Variants in MCM3 observed in about 807,000 individuals in gnomAD.
The protein encoded by MCM3 is minichromosome maintenance complex component 3.
In MCM3, 59 loss-of-function variants were observed where a neutral mutation model predicts 91.3. The observed-to-expected ratio is 0.65, with a 90% confidence interval of 0.52 to 0.80. The LOEUF (loss-of-function observed/expected upper bound fraction) is 0.80. MCM3 is among the 30% of genes least tolerant of loss of function. MCM3 has a pLI of 0.00. For synonymous variants in MCM3, 383 were observed against 379.6 expected (o/e 1.01, Z -0.10); for missense variants, 919 against 1,035.4 (o/e 0.89, Z 1.54).
chr6:52,283,490 G>A, intron 1 of MCM3, 84 bp from the exon 2 acceptor site: 1 of 927,132 alleles, frequency 1.1e-6, no homozygotes, highest in Non-Finnish European at 1.8e-6. Context: ...TAGCCAGATA[G>A]CTAAGTCAAT....
At chr6:52,266,279 T>C (rs559892605) in intron 15 of MCM3, 135 bp from the exon 16 acceptor site, 2 of 716,464 alleles carry the variant, frequency 2.8e-6, no homozygotes, top group Admixed American at 2.2e-5. Context: ...AGGGTTCTTA[T>C]GGGGCCAGGC....
In MCM3 at chr6:52,272,399, T is replaced by C. The variant is rs1487601811; in HGVS notation, c.1729A>G (p.Ile577Val). ...FMKKYIHVAKIIKPVLTQESA... is the reference protein window; with the variant it reads ...FMKKYIHVAKVIKPVLTQESA... ...TCCTGTGTCAGGACAGGCTTGATGA[T>C]TTTGGCCACATGGATGTACTTCTTC... The change falls in exon 12 of 17, where the codon ATC (isoleucine) becomes GTC (valine). Residue 577 changes from isoleucine to valine, a missense_variant. Ile to Val is a conservative substitution (Grantham distance 29). Around this residue, in one of 3 missense-constraint regions of MCM3, gnomAD observed 285 missense variants for 311.4 expected, o/e 0.92. Coordinates refer to ENST00000596288, the MANE Select transcript of MCM3 (RefSeq NM_002388.6). 5 of 1,613,962 alleles carry C rather than the reference T, an allele frequency of 3.1e-6. No homozygotes were observed. The highest frequency in any genetic ancestry group is 4.2e-6 in the Non-Finnish European group (5 of 1,180,002).
Position 52,277,346 on chromosome 6 carries a change from G to A in MCM3, c.1034-148C>T, listed in dbSNP as rs184890018. 252 of 981,340 alleles carry A rather than the reference G, an allele frequency of 2.6e-4. No individual in the cohort carries two copies. In the East Asian group the frequency reaches 4.5e-3, roughly 18 times the overall value. The allele number at this position is 981,340 out of a possible 1,614,324, so 60.8% of individuals were successfully genotyped here. A position where few individuals can be genotyped will look rare whatever the true frequency, so the allele number is the denominator to read the frequency against. Reference sequence around the variant, plus strand: ...CTTCGCTTTTCCCTTCACCACTCACGGAAGAATATTTATATACTATAAATC... The same window carrying A: ...CTTCGCTTTTCCCTTCACCACTCACAGAAGAATATTTATATACTATAAATC... On this transcript the variant is annotated intron_variant, in intron 7 of 16. Coordinates refer to ENST00000596288, the MANE Select transcript of MCM3 (RefSeq NM_002388.6).
rs1301656725 is a variant in MCM3, at chr6:52,266,518, AG to A, written c.2158+92del. On this transcript the variant is annotated intron_variant, in intron 15 of 16. Transcript: ENST00000596288. ...GCCCCAAGCAGGGAGCCAAACAAAC[AG>A]GAGTCCACAAGAAAATAAAGTGCAC... The A allele has an allele frequency of 1.4e-5, 16 of 1,134,212 alleles. No individual in the cohort carries two copies. The Admixed American group carries it at 2.7e-4, about 19-fold the overall frequency. The allele number at this position is 1,134,212 out of a possible 1,614,324, so 70.3% of individuals were successfully genotyped here.
intron 16 of MCM3, 111 bp downstream of exon 16, chr6:52,265,964 G>C: frequency 2.5e-6 from 2 of 790,600 alleles, no homozygotes. Context: ...CTCTAGTTTT[G>C]AGTTCTATTG....
intron 1 of MCM3, 42 bp downstream of exon 1, chr6:52,284,555 G>T: frequency 6.4e-7 from 1 of 1,554,282 alleles, no homozygotes; most frequent in East Asian, 2.3e-5. Context: ...GCGTCCGCAG[G>T]GGCTCCGAGC....
chr6:52,266,812 G>T, intron 14 of MCM3, 116 bp from the exon 15 acceptor site: 4 of 808,468 alleles, frequency 4.9e-6, no homozygotes, highest in South Asian at 2.8e-5. Context: ...AAGTCAAAGT[G>T]AAGCACTAGG....
At chr6:52,269,452 G>A (rs760899123) in intron 12 of MCM3, among the ~76,000 whole-genome samples, 30 of 152,326 alleles carry the variant, frequency 2.0e-4, no homozygotes, top group Non-Finnish European at 3.5e-4. Context: ...CAAGTGAACA[G>A]GGAAGATTAG....
chr6:52,270,686 T>C (rs1224580035), intron 12 of MCM3, among the ~76,000 whole-genome samples: 1 of 152,002 alleles, frequency 6.6e-6, no homozygotes, highest in Non-Finnish European at 1.5e-5. Flanking sequence ...ACAATTAAAA[T>C]AGTGTATGAC....
At chr6:52,266,167 G>T in intron 15 of MCM3, 23 bp from the exon 16 acceptor site, 1 of 1,594,098 alleles carries the variant, frequency 6.3e-7, no homozygotes, top group Non-Finnish European at 8.6e-7. Context: ...GATGGTTGTA[G>T]AGATGGGGAA....
At chr6:52,283,211 C>G in intron 2 of MCM3, 83 bp downstream of exon 2, 1 of 1,110,310 alleles carries the variant, frequency 9.0e-7, no homozygotes, top group African/African-American at 1.5e-5. Flanking sequence ...CATACAAGTC[C>G]TCTCCTGAGA....
In MCM3 at chr6:52,273,092, AAATT is replaced by A. The variant is rs1765266484; in HGVS notation, c.1676+134_1676+137del. ...TATATTGTGGACCCAGAAAAGAAGA[AAATT>A]AATCCACGTGGTTATGACTCCAGGC... is the stretch of plus-strand genomic sequence containing the variant. On this transcript the variant is annotated intron_variant, in intron 11 of 16. Coordinates refer to ENST00000596288, the MANE Select transcript of MCM3 (RefSeq NM_002388.6). The A allele has an allele frequency of 3.0e-6, 3 of 994,104 alleles. No individual in the cohort carries two copies. In the South Asian group the frequency reaches 4.5e-5, roughly 15 times the overall value. 61.6% of individuals were successfully genotyped at this position (994,104 alleles called of 1,614,324 possible).
rs764913129 is a variant in MCM3 at position 52,269,081 on chromosome 6, C to T, written c.1968+5G>A. The T allele has an allele frequency of 3.7e-6, 6 of 1,608,364 alleles. No individual in the cohort carries two copies. The highest frequency in any genetic ancestry group is 4.3e-6 in the Non-Finnish European group (5 of 1,175,660). On this transcript the variant is annotated splice_donor_5th_base_variant and intron_variant, in intron 13 of 16. Transcript: ENST00000596288. The stretch of plus-strand genomic sequence containing the variant: ...CCTCTCATGCCCAGGCATCTGAATC[C>T]TCACCTTCTTAAAGTAAGCATACTG...
Position 52,284,338 on chromosome 6 carries a change from T to C in MCM3, c.78+259A>G, listed in dbSNP as rs570651791. On this transcript the variant is annotated intron_variant, in intron 1 of 16. Transcript: ENST00000596288. ...TGGGCTTTGCCAATCTGCTTGCACT[T>C]AATGGGAACCTGTCGCCTTTTGCGC... Among the ~76,000 whole-genome samples the C allele has an allele frequency of 1.1e-4, 16 of 152,290 alleles. No homozygotes were observed. The East Asian group carries it at 3.1e-3, about 29-fold the overall frequency.
At chr6:52,284,068 A>C (rs1766413006) in intron 1 of MCM3, among the ~76,000 whole-genome samples, 1 of 152,212 alleles carries the variant, frequency 6.6e-6, no homozygotes, top group Admixed American at 6.5e-5. Context: ...TCAACATTCT[A>C]TGGCTTTAAG....
At chr6:52,269,776 C>T (rs1454557236) in intron 12 of MCM3, among the ~76,000 whole-genome samples, 1 of 152,172 alleles carries the variant, frequency 6.6e-6, no homozygotes, top group Admixed American at 6.5e-5. Context: ...CTCACAGGGG[C>T]CGATGAATAC....
chr6:52,271,666 A>G (rs1019901487), intron 12 of MCM3, among the ~76,000 whole-genome samples: 9 of 152,078 alleles, frequency 5.9e-5, no homozygotes, highest in African/African-American at 2.2e-4. Flanking sequence ...CAAAAACAAA[A>G]CAAAAAAAAG....
At chr6:52,276,924 C>A in intron 8 of MCM3, 143 bp downstream of exon 8, 2 of 883,788 alleles carry the variant, frequency 2.3e-6, no homozygotes, top group South Asian at 1.9e-5. Flanking sequence ...AATAATTCAC[C>A]CACCATTGCT....
Position 52,276,481 on chromosome 6 carries a change from G to C in MCM3, c.1166-5C>G, listed in dbSNP as rs1283334944. The C allele has an allele frequency of 1.9e-6, 3 of 1,612,918 alleles. No individual in the cohort carries two copies. The highest frequency in any genetic ancestry group is 2.5e-6 in the Non-Finnish European group (3 of 1,179,292). On this transcript the variant is annotated splice_region_variant and splice_polypyrimidine_tract_variant and intron_variant, in intron 8 of 16. Transcript: ENST00000596288. ...CTGCTTCCAGACGGCGCTCTCCTGGGAAGTGAGAAGGTAAAAATACGTGCT... is the reference window on the plus strand; with the variant it reads ...CTGCTTCCAGACGGCGCTCTCCTGGCAAGTGAGAAGGTAAAAATACGTGCT...
Sources: gnomAD v4.1 joint callset for allele counts (sites outside exome capture counted in the v4.1 genomes callset) on GRCh38, gnomAD v4.1.1 for gene constraint, gnomAD v4.1.1 regional missense constraint, MANE v1.5 for transcripts, NCBI Gene and HGNC (gene_info 2026-07-23, HGNC 2026-07-21) for gene names.